Variants in ERICH1 observed in about 807,000 individuals in gnomAD.
The protein encoded by ERICH1 is glutamate rich 1.
A neutral mutation model predicts 39.6 loss-of-function variants in ERICH1; 56 were observed. The ratio of observed to expected loss-of-function variants is 1.41; its 90% CI spans 1.14 to 1.77. The LOEUF is 1.77. ERICH1 is among the 40% of genes most tolerant of loss of function. The pLI, the probability that ERICH1 is intolerant of heterozygous loss-of-function variation, is 0.00. For synonymous variants in ERICH1, 313 were observed against 223.6 expected, an observed-to-expected ratio of 1.40 and a Z score of -3.57; for missense variants, 826 against 575.4, an observed-to-expected ratio of 1.44 and a Z score of -4.45.
chr8:624,816 T>C (rs1797506440), intron 3 of ERICH1, among the ~76,000 whole-genome samples: 1 of 152,070 alleles, frequency 6.6e-6, no homozygotes, highest in African/African-American at 2.4e-5. Context: ...AAGCTCTGCC[T>C]CCCGGGTTCA....
intron 3 of ERICH1, among the ~76,000 whole-genome samples, chr8:683,427 G>C (rs1196241196): frequency 6.6e-6 from 1 of 152,220 alleles, no homozygotes; most frequent in Non-Finnish European, 1.5e-5. Flanking sequence ...GGTCAGCCGT[G>C]AGGGTCAGCA....
rs1243742911 is a variant in ERICH1, at chr8:628,000, G to A, written c.977-12716C>T. On this transcript the variant is annotated intron_variant, in intron 3 of 3. Coordinates refer to the ERICH1 transcript ENST00000522706. ...CCGGACACTCCCAGCTCAAGGGGCA[G>A]CAGCAGGGGCGCCTTCCTGAGGAGT... Among the ~76,000 whole-genome samples the A allele has an allele frequency of 2.0e-5, 3 of 152,212 alleles. No homozygotes were observed. The South Asian group carries it at 6.2e-4, about 31-fold the overall frequency.
chr8:656,873 G>T (rs1322505848), intron 3 of ERICH1: 2 of 978,918 alleles, frequency 2.0e-6, no homozygotes, highest in African/African-American at 3.5e-5. Flanking sequence ...AAACAAAGCA[G>T]AAACTTAAAC....
intron 1 of ERICH1, among the ~76,000 whole-genome samples, chr8:727,058 CACACGT>C (rs1359178585): frequency 6.6e-6 from 1 of 151,470 alleles, no homozygotes; most frequent in Non-Finnish European, 1.5e-5. Context: ...TACACATGCA[CACACGT>C]ACACATACAC....
intron 3 of ERICH1, among the ~76,000 whole-genome samples, chr8:654,202 GAAAAT>G (rs1206160755): frequency 2.0e-5 from 3 of 152,172 alleles, no homozygotes; most frequent in Non-Finnish European, 2.9e-5. Context: ...ATCTAAATAA[GAAAAT>G]AATGCAAAAT....
chr8:668,525 T>A (rs761964506), intron 5 of ERICH1, 73 bp downstream of exon 5: 1 of 1,535,598 alleles, frequency 6.5e-7, no homozygotes, highest in Non-Finnish European at 9.0e-7. Context: ...TTTGGTGGCG[T>A]GTAAGTCTTT....
chr8:655,555 G>A (rs1336050833), intron 3 of ERICH1, among the ~76,000 whole-genome samples: 2 of 152,292 alleles, frequency 1.3e-5, no homozygotes, highest in Middle Eastern at 3.4e-3. Flanking sequence ...CCCAGGGGCC[G>A]AGTGGATCAC....
chr8:717,426 T>A (rs1414438460), intron 1 of ERICH1, among the ~76,000 whole-genome samples: 2 of 152,172 alleles, frequency 1.3e-5, no homozygotes, highest in Non-Finnish European at 1.5e-5. Context: ...CAACAGGTGG[T>A]CTGTGAAATG....
intron 2 of ERICH1, among the ~76,000 whole-genome samples, chr8:707,001 T>G (rs1168729665): frequency 6.6e-6 from 1 of 151,902 alleles, no homozygotes; most frequent in Admixed American, 6.6e-5. Flanking sequence ...GATCCTAACA[T>G]TAATATGGAA....
At chr8:663,208 T>C (rs1801691055), downstream of ERICH1, among the ~76,000 whole-genome samples, 1 of 152,148 alleles carries the variant, frequency 6.6e-6, no homozygotes, top group Non-Finnish European at 1.5e-5. Context: ...TGGAGGGAAG[T>C]GGCAGGACAG....
intron 3 of ERICH1, chr8:641,163 T>C (rs1297962499): frequency 6.6e-6 from 1 of 152,206 alleles, no homozygotes; most frequent in Non-Finnish European, 1.5e-5. Flanking sequence ...TAATTTTACA[T>C]AGAAACAGAG....
intron 3 of ERICH1, among the ~76,000 whole-genome samples, chr8:684,268 T>C (rs1210471301): frequency 1.3e-5 from 2 of 152,192 alleles, no homozygotes; most frequent in Non-Finnish European, 2.9e-5. Flanking sequence ...CAGGACAATT[T>C]TTTTAATTTA....
rs1030145770 is a variant in ERICH1 at position 716,014 on chromosome 8, A to G, written c.23-7T>C. The stretch of plus-strand genomic sequence containing the variant: ...AGCACCTTCTCCACAAACACTGTAC[A>G]GACAACCGATTAAAAGAAAAGGAGG... On this transcript the variant is annotated splice_polypyrimidine_tract_variant and splice_region_variant and intron_variant, in intron 1 of 5. Transcript: ENST00000262109. The G allele has an allele frequency of 6.3e-7, 1 of 1,585,844 alleles. No individual in the cohort carries two copies. Among genetic ancestry groups the G allele is most frequent in the Non-Finnish European group, 8.5e-7 (1 of 1,170,612 alleles).
chr8:647,129 C>T lies in ERICH1; in HGVS notation c.976+21469G>A, dbSNP rs1393120785. Among the ~76,000 whole-genome samples, 5 of 68,178 alleles carry T rather than the reference C, an allele frequency of 7.3e-5. 2 individuals carry two copies. Among genetic ancestry groups the T allele is most frequent in the East Asian group, 6.0e-4 (2 of 3,340 alleles). The allele number at this position is 68,178 out of a possible 152,430, so 44.7% of individuals were successfully genotyped here. A position where few individuals can be genotyped will look rare whatever the true frequency, so the allele number is the denominator to read the frequency against. ...GGGAGTCATGCTCAGGCCCTTGGCG[C>T]GCCCTTGGCAGCGGTTACACGCCCT... On this transcript the variant is annotated intron_variant, in intron 3 of 3. Coordinates refer to the ERICH1 transcript ENST00000522706.
At chr8:710,295 T>C (rs186661799) in intron 2 of ERICH1, among the ~76,000 whole-genome samples, 11 of 149,038 alleles carry the variant, frequency 7.4e-5, no homozygotes, top group African/African-American at 2.5e-4. Context: ...CTCGGCATCA[T>C]ACAGGGCAGT....
chr8:717,590 G>C (rs1350863422), intron 1 of ERICH1, among the ~76,000 whole-genome samples: 8 of 152,206 alleles, frequency 5.3e-5, no homozygotes, highest in Non-Finnish European at 1.2e-4. Flanking sequence ...GGAGATGGTA[G>C]GCAGATAAGA....
intron 2 of ERICH1, among the ~76,000 whole-genome samples, chr8:710,740 G>T (rs887394335): frequency 5.9e-5 from 9 of 152,184 alleles, no homozygotes; most frequent in Admixed American, 3.9e-4. Context: ...ATTTTCCGTT[G>T]TCTGGATGTA....
intron 3 of ERICH1, among the ~76,000 whole-genome samples, chr8:643,745 G>A (rs888471103): frequency 6.6e-6 from 1 of 152,304 alleles, no homozygotes; most frequent in African/African-American, 2.4e-5. Flanking sequence ...GGCATGGGGC[G>A]GCTCCTCAGG....
intron 3 of ERICH1, among the ~76,000 whole-genome samples, chr8:653,140 G>C (rs1425116332): frequency 9.2e-5 from 14 of 152,338 alleles, no homozygotes; most frequent in Non-Finnish European, 1.3e-4. Context: ...CTCAACAGGT[G>C]CTTGTACACC....
Sources: gnomAD v4.1 joint callset for allele counts (sites outside exome capture counted in the v4.1 genomes callset) on GRCh38, gnomAD v4.1.1 for gene constraint, MANE v1.5 for transcripts, NCBI Gene and HGNC (gene_info 2026-07-23, HGNC 2026-07-21) for gene names.